The following SOX5 variants were observed in gnomAD, a reference collection of about 807,000 sequenced individuals.
SOX5 encodes SRY-box transcription factor 5.
Under a neutral mutation model 92.0 loss-of-function variants are expected in SOX5, and 9 were observed. That is an observed-to-expected ratio of 0.10 (90% CI 0.06 to 0.17). SOX5 has a LOEUF of 0.17. Among genes scored for constraint, SOX5 ranks in the 10% least tolerant of loss-of-function variants. SOX5 has a pLI of 1.00. For missense variants in SOX5, 642 were observed against 944.5 expected, an observed-to-expected ratio of 0.68 and a Z score of 4.20; for synonymous variants, 344 against 336.3, an observed-to-expected ratio of 1.02 and a Z score of -0.25.
chr12:24,126,034 A>G (rs908491805), intron 4 of SOX5, among the ~76,000 whole-genome samples: 30 of 152,042 alleles, frequency 2.0e-4, no homozygotes, highest in African/African-American at 7.0e-4. Flanking sequence ...GGACACTCCA[A>G]TTTACAGGTT....
chr12:23,967,464 C>T (rs966297407), intron 4 of SOX5, among the ~76,000 whole-genome samples: 1 of 107,698 alleles, frequency 9.3e-6, no homozygotes, highest in Non-Finnish European at 2.0e-5. Context: ...TAAAATTATA[C>T]AGACAATAAT....
chr12:24,229,038 A>G (rs572319353), intron 3 of SOX5, among the ~76,000 whole-genome samples: 2 of 152,324 alleles, frequency 1.3e-5, no homozygotes, highest in Admixed American at 1.3e-4. Context: ...TTTAAAACTT[A>G]CAACAATCCA....
intron 2 of SOX5, among the ~76,000 whole-genome samples, chr12:24,320,864 C>G: frequency 7.4e-6 from 1 of 135,678 alleles, no homozygotes; most frequent in Non-Finnish European, 1.6e-5. Flanking sequence ...GACTCTGTCT[C>G]AAAAAAAAAT....
intron 4 of SOX5, among the ~76,000 whole-genome samples, chr12:24,135,490 A>G (rs577882888): frequency 3.3e-5 from 5 of 152,314 alleles, no homozygotes; most frequent in African/African-American, 1.2e-4. Context: ...ACAGTAAATA[A>G]TTACTGAGTA....
chr12:23,730,695 T>C (rs961636117), intron 6 of SOX5, among the ~76,000 whole-genome samples: 4 of 152,212 alleles, frequency 2.6e-5, no homozygotes, highest in Non-Finnish European at 4.4e-5. Context: ...CATAAAGAAC[T>C]GATCCTAAGC....
intron 1 of SOX5, among the ~76,000 whole-genome samples, chr12:23,923,333 A>G (rs151013191): frequency 9.7e-6 from 1 of 102,944 alleles, no homozygotes; most frequent in Non-Finnish European, 2.3e-5. Context: ...ATGAATGAAT[A>G]CGTAAAAGCA....
rs2075803719 is a variant in SOX5 at position 23,610,395 on chromosome 12, A to G, written c.1018-5862T>C. Reference sequence around the variant, plus strand: ...TTCAGTGCATTAGGCACTGACAAAAATATCTATCAAGATTTATTGCCCCAA... The same window carrying G: ...TTCAGTGCATTAGGCACTGACAAAAGTATCTATCAAGATTTATTGCCCCAA... On this transcript the variant is annotated intron_variant, in intron 8 of 14. Coordinates refer to ENST00000451604, the MANE Select transcript of SOX5 (RefSeq NM_006940.6). 3.3e-5 allele frequency among the ~76,000 whole-genome samples: 5 copies of G among 152,152 alleles called. No individual in the cohort carries two copies. The South Asian group carries it at 8.3e-4, about 25-fold the overall frequency.
chr12:23,864,848 T>G (rs894437795), intron 2 of SOX5, among the ~76,000 whole-genome samples: 2 of 152,162 alleles, frequency 1.3e-5, no homozygotes, highest in Admixed American at 6.5e-5. Flanking sequence ...GCTAAGATAA[T>G]TGATGAAACT....
intron 3 of SOX5, among the ~76,000 whole-genome samples, chr12:24,235,744 A>G (rs1232464121): frequency 2.6e-5 from 4 of 152,250 alleles, no homozygotes; most frequent in Admixed American, 2.6e-4. Context: ...AATTTTCCAT[A>G]GTCAACTTTA....
chr12:23,964,439 T>G (rs893221653), intron 4 of SOX5, among the ~76,000 whole-genome samples: 1 of 152,156 alleles, frequency 6.6e-6, no homozygotes, highest in Admixed American at 6.5e-5. Flanking sequence ...TATTTTATGC[T>G]TGTTTGAAAG....
intron 2 of SOX5, among the ~76,000 whole-genome samples, chr12:24,353,786 G>A (rs941132144): frequency 4.6e-5 from 7 of 152,094 alleles, no homozygotes; most frequent in South Asian, 2.1e-4. Flanking sequence ...GATTACAGGC[G>A]CCCGCCACCA....
At chr12:23,970,841 A>ATTTTTTTT (rs1555456188) in intron 4 of SOX5, among the ~76,000 whole-genome samples, 3 of 21,876 alleles carry the variant, frequency 1.4e-4, no homozygotes, top group African/African-American at 3.7e-4. Context: ...TATATATATA[A>ATTTTTTTT]TTTTTTTTTT....
intron 1 of SOX5, among the ~76,000 whole-genome samples, chr12:24,455,839 C>T (rs577123500): frequency 5.6e-4 from 86 of 152,284 alleles, no homozygotes; most frequent in African/African-American, 2.0e-3. Flanking sequence ...AGCGATTCTT[C>T]CCCAGAACTG....
intron 1 of SOX5, among the ~76,000 whole-genome samples, chr12:23,896,675 A>G (rs903684181): frequency 1.3e-5 from 2 of 151,348 alleles, no homozygotes; most frequent in Non-Finnish European, 2.9e-5. Flanking sequence ...AAATTACCCA[A>G]TTTGGGCATT....
intron 8 of SOX5, among the ~76,000 whole-genome samples, chr12:23,636,154 AAGAC>A: frequency 6.6e-6 from 1 of 152,306 alleles, no homozygotes; most frequent in East Asian, 1.9e-4. Flanking sequence ...TGTAAAGAAA[AAGAC>A]AGATTTAATA....
chr12:24,480,778 G>A (rs747264904), intron 1 of SOX5, among the ~76,000 whole-genome samples: 1 of 151,958 alleles, frequency 6.6e-6, no homozygotes, highest in East Asian at 1.9e-4. Flanking sequence ...AGGATTTGGA[G>A]TAAAGGGAAA....
In SOX5 at chr12:24,361,082, A is replaced by G. The variant is rs546119413; in HGVS notation, c.-174+7481T>C. 1.6e-3 allele frequency among the ~76,000 whole-genome samples: 239 copies of G among 152,282 alleles called. 1 individual carries two copies. Among genetic ancestry groups the G allele is most frequent in the African/African-American group, 5.6e-3 (232 of 41,552 alleles). ...GCAAGGTCTTAGGTCAGCTCCTCGT[A>G]TCGACCAGCACATTCCTTTCTCTTC... On this transcript the variant is annotated intron_variant, in intron 2 of 4. Coordinates refer to the SOX5 transcript ENST00000446891.
intron 1 of SOX5, among the ~76,000 whole-genome samples, chr12:24,445,767 T>G (rs1941374725): frequency 6.6e-6 from 1 of 152,188 alleles, no homozygotes; most frequent in African/African-American, 2.4e-5. Context: ...TTCCACAGTG[T>G]CTGACCTGGT....
At chr12:23,866,580 T>C (rs1324036964) in intron 2 of SOX5, among the ~76,000 whole-genome samples, 3 of 152,188 alleles carry the variant, frequency 2.0e-5, no homozygotes, top group Non-Finnish European at 2.9e-5. Context: ...ATTCTCTTTA[T>C]TGTGGTAGTG....
Sources: allele counts gnomAD v4.1 joint callset (sites outside exome capture counted in the v4.1 genomes callset), GRCh38; gene constraint gnomAD v4.1.1; transcripts MANE v1.5; gene names NCBI Gene and HGNC (gene_info 2026-07-23, HGNC 2026-07-21).